The following MCTP1 variants were observed in gnomAD, a reference collection of about 807,000 sequenced individuals.
MCTP1 encodes the protein multiple C2 and transmembrane domain containing 1.
MCTP1 carries 69 observed loss-of-function variants against 120.6 expected under a neutral mutation model. The observed-to-expected ratio is 0.57, with a 90% CI of 0.47 to 0.70. MCTP1 has a LOEUF of 0.70. Ranked by LOEUF, MCTP1 falls within the 30% of genes least tolerant of loss-of-function variation. The probability of loss-of-function intolerance (pLI) is 0.00; values close to 1 mark genes in which losing one functional copy is unlikely to be tolerated. For missense variants in MCTP1, 1,203 were observed against 1,248.8 expected (o/e 0.96, Z 0.55); for synonymous variants, 529 against 493.1 (o/e 1.07, Z -0.96).
rs1160075868 is a variant in MCTP1, at chr5:94,707,343, CAT to C, written c.*151_*152del. 1 of 613,482 alleles carries C rather than the reference CAT, an allele frequency of 1.6e-6. No homozygotes were observed. Among genetic ancestry groups the C allele is most frequent in the African/African-American group, 1.9e-5 (1 of 53,404 alleles). 38.0% of individuals were successfully genotyped at this position (613,482 alleles called of 1,614,324 possible). A position where few individuals can be genotyped will look rare whatever the true frequency, so the allele number is the denominator to read the frequency against. On this transcript the variant is annotated 3_prime_UTR_variant, in exon 23 of 23. Coordinates refer to ENST00000515393, the MANE Select transcript of MCTP1 (RefSeq NM_024717.7). Reference sequence around the variant, plus strand: ...TACAATAGAAGTATATATTCAAAGACATATGCCTTTGTACACTATTTACAGAT... The same window carrying C: ...TACAATAGAAGTATATATTCAAAGACATGCCTTTGTACACTATTTACAGAT...
Position 94,912,466 on chromosome 5 carries a change from A to AAAAAAAAAAAAAAAAAAAAAAG in MCTP1, c.1521+339_1521+340insCTTTTTTTTTTTTTTTTTTTTT, listed in dbSNP as rs1211529200. Among the ~76,000 whole-genome samples the AAAAAAAAAAAAAAAAAAAAAAG allele has an allele frequency of 1.8e-4, 17 of 92,096 alleles. 5 individuals carry two copies. Among genetic ancestry groups the AAAAAAAAAAAAAAAAAAAAAAG allele is most frequent in the Non-Finnish European group, 2.6e-4 (11 of 42,806 alleles). 60.4% of individuals were successfully genotyped at this position (92,096 alleles called of 152,430 possible). ...AAAAAAAAAAAAAAAAAAAAAAAAA[A>AAAAAAAAAAAAAAAAAAAAAAG]GCCGCACTCTGAGTACTTTATGTGC... On this transcript the variant is annotated intron_variant, in intron 9 of 22. Coordinates refer to ENST00000515393, the MANE Select transcript of MCTP1 (RefSeq NM_024717.7).
At chr5:95,071,748 T>C (rs1752219182) in intron 1 of MCTP1, among the ~76,000 whole-genome samples, 1 of 152,190 alleles carries the variant, frequency 6.6e-6, no homozygotes, top group African/African-American at 2.4e-5. Flanking sequence ...TCTGTGAAAC[T>C]GTGGCCACTG....
At chr5:94,929,958 C>T (rs1220557003) in intron 6 of MCTP1, among the ~76,000 whole-genome samples, 2 of 152,072 alleles carry the variant, frequency 1.3e-5, no homozygotes, top group Admixed American at 6.6e-5. Context: ...AGGCTAAAAC[C>T]CAAAAGCTTA....
chr5:95,109,152 T>C (rs1386185681), intron 1 of MCTP1, among the ~76,000 whole-genome samples: 1 of 152,174 alleles, frequency 6.6e-6, no homozygotes, highest in Non-Finnish European at 1.5e-5. Context: ...CCCATTGACC[T>C]TCCAGAGTTG....
intron 19 of MCTP1, among the ~76,000 whole-genome samples, chr5:94,758,432 C>A (rs968618481): frequency 2.0e-5 from 3 of 151,890 alleles, no homozygotes; most frequent in East Asian, 1.9e-4. Flanking sequence ...GGGGACAGAG[C>A]GAGACCCCAT....
intron 17 of MCTP1, among the ~76,000 whole-genome samples, chr5:94,854,864 A>C (rs554702442): frequency 1.3e-5 from 2 of 151,896 alleles, no homozygotes; most frequent in Non-Finnish European, 2.9e-5. Flanking sequence ...TATAAAAGTG[A>C]AACAAATCAA....
chr5:95,169,629 G>A (rs1024689270), intron 1 of MCTP1, among the ~76,000 whole-genome samples: 1 of 152,126 alleles, frequency 6.6e-6, no homozygotes, highest in African/African-American at 2.4e-5. Flanking sequence ...TCTTGGGAGG[G>A]TGTATGTGTC....
At chr5:95,067,144 TG>T (rs952369657) in intron 1 of MCTP1, among the ~76,000 whole-genome samples, 77 of 70,062 alleles carry the variant, frequency 1.1e-3, no homozygotes, top group African/African-American at 4.6e-3. Flanking sequence ...GGGGTGGGAG[TG>T]GGGGGATCGG....
intron 1 of MCTP1, among the ~76,000 whole-genome samples, chr5:95,170,917 G>T (rs1194148156): frequency 6.6e-6 from 1 of 151,800 alleles, no homozygotes; most frequent in Non-Finnish European, 1.5e-5. Flanking sequence ...TACATTTAAG[G>T]TTAATATTGT....
chr5:94,805,901 A>T (rs2153045429), intron 17 of MCTP1, among the ~76,000 whole-genome samples: 1 of 149,554 alleles, frequency 6.7e-6, no homozygotes, highest in East Asian at 2.0e-4. Context: ...TTGAATGTTG[A>T]TGTTTTAAAG....
Position 95,284,154 on chromosome 5 carries a change from C to G in MCTP1, c.422G>C (p.Gly141Ala). ...PAVKGPAAASGAAGGTPPGGR... is the reference protein window; with the variant it reads ...PAVKGPAAASAAAGGTPPGGR... ...GCCAGGAGGCGTCCCTCCCGCTGCT[C>G]CCGAGGCCGCCGCGGGCCCCTTTAC... Residue 141 changes from glycine (G) to alanine (A), a missense_variant, in exon 1 of 23, where the codon GGA (glycine) becomes GCA (alanine). Coordinates refer to ENST00000515393, the MANE Select transcript of MCTP1 (RefSeq NM_024717.7). This position sits in a 1 kb window ranked among gnomAD's most constrained non-coding sequence, Gnocchi z 5.2. 1 of 1,561,514 alleles carries G rather than the reference C, an allele frequency of 6.4e-7. No individual in the cohort carries two copies. Among genetic ancestry groups the G allele is most frequent in the Non-Finnish European group, 8.7e-7 (1 of 1,153,824 alleles).
rs375864332 is a variant in MCTP1 at position 94,713,954 on chromosome 5, TAAAG to T, written c.2720+819_2720+822del. 1.4e-3 allele frequency among the ~76,000 whole-genome samples: 220 copies of T among 152,242 alleles called. 1 individual carries two copies. Among genetic ancestry groups the T allele is most frequent in the Middle Eastern group, 6.8e-3 (2 of 294 alleles). ...GAAGAGATACATTATACTAGGAAAATAAAGGTTTGTCCAGAATTTGGCACCCCTT... is the reference window on the plus strand; with the variant it reads ...GAAGAGATACATTATACTAGGAAAATGTTTGTCCAGAATTTGGCACCCCTT... On this transcript the variant is annotated intron_variant, in intron 20 of 22. Transcript: ENST00000515393.
intron 1 of MCTP1, among the ~76,000 whole-genome samples, chr5:95,159,101 C>T (rs1036434535): frequency 2.6e-4 from 39 of 152,018 alleles, no homozygotes; most frequent in Admixed American, 6.6e-5. Context: ...AATGACATCA[C>T]GTCTAAAAAA....
At chr5:95,172,220 C>T (rs1013794359) in intron 1 of MCTP1, among the ~76,000 whole-genome samples, 4 of 152,206 alleles carry the variant, frequency 2.6e-5, no homozygotes, top group African/African-American at 9.6e-5. Context: ...TGCAGAACAG[C>T]GCATATTGCT....
At chr5:95,009,881 T>C (rs1049827506) in intron 2 of MCTP1, among the ~76,000 whole-genome samples, 8 of 152,074 alleles carry the variant, frequency 5.3e-5, no homozygotes, top group African/African-American at 1.9e-4. Context: ...TTCTGGAAAA[T>C]AGGTGTAGAA....
intron 17 of MCTP1, among the ~76,000 whole-genome samples, chr5:94,837,347 C>T (rs925322591): frequency 7.2e-5 from 11 of 152,282 alleles, no homozygotes; most frequent in Middle Eastern, 3.4e-3. Flanking sequence ...TACCACTGCA[C>T]TCCAGCCTGG....
intron 2 of MCTP1, among the ~76,000 whole-genome samples, chr5:94,954,384 T>C (rs1007958726): frequency 3.3e-5 from 5 of 151,100 alleles, no homozygotes; most frequent in African/African-American, 1.2e-4. Flanking sequence ...AATGGAAAAA[T>C]AGACACTGGA....
chr5:95,225,615 GA>G (rs1754172469), intron 1 of MCTP1, among the ~76,000 whole-genome samples: 2 of 152,218 alleles, frequency 1.3e-5, no homozygotes, highest in South Asian at 4.1e-4. Flanking sequence ...AAGTGGGAAA[GA>G]ACATTTTACT....
intron 1 of MCTP1, among the ~76,000 whole-genome samples, chr5:95,057,668 T>G (rs1402132366): frequency 1.3e-5 from 2 of 152,200 alleles, no homozygotes; most frequent in Non-Finnish European, 2.9e-5. Context: ...ATAGTCTCCC[T>G]TTATAAGCTC....
Sources: allele counts gnomAD v4.1 joint callset (sites outside exome capture counted in the v4.1 genomes callset), GRCh38; gene constraint gnomAD v4.1.1; non-coding constraint Gnocchi (gnomAD v3.1); transcripts MANE v1.5; gene names NCBI Gene and HGNC (gene_info 2026-07-23, HGNC 2026-07-21).